GALNTL6: variants seen among roughly 807,000 people sequenced by gnomAD.
GALNTL6 encodes polypeptide N-acetylgalactosaminyltransferase like 6, also known as polypeptide N-acetylgalactosaminyltransferase-like 6.
Under a neutral mutation model 73.7 loss-of-function variants are expected in GALNTL6, and 46 were observed. The observed-to-expected ratio is 0.62, with a 90% CI of 0.49 to 0.80. GALNTL6 has a LOEUF of 0.80. GALNTL6 is among the 30% of genes least tolerant of loss of function. The pLI is 0.00. For missense variants in GALNTL6, 604 were observed against 755.0 expected (o/e 0.80, Z 2.34); for synonymous variants, 259 against 263.7 (o/e 0.98, Z 0.17).
At chr4:172,591,692 G>A (rs1737641909) in intron 5 of GALNTL6, among the ~76,000 whole-genome samples, 1 of 152,088 alleles carries the variant, frequency 6.6e-6, no homozygotes, top group Admixed American at 6.6e-5. Context: ...TTGGCTTATG[G>A]GAACTGATGC....
At chr4:171,870,826 T>G (rs1237022481) in intron 2 of GALNTL6, among the ~76,000 whole-genome samples, 2 of 152,138 alleles carry the variant, frequency 1.3e-5, no homozygotes, top group African/African-American at 4.8e-5. Flanking sequence ...TTCTAGAGCC[T>G]AGGAGGGAGG....
chr4:172,203,915 T>G (rs1385995730), intron 2 of GALNTL6, among the ~76,000 whole-genome samples: 1 of 152,054 alleles, frequency 6.6e-6, no homozygotes, highest in East Asian at 1.9e-4. Context: ...CCTGGCTAAT[T>G]TTGTATTTTT....
At chr4:172,573,934 C>G (rs1736862870) in intron 5 of GALNTL6, among the ~76,000 whole-genome samples, 1 of 152,052 alleles carries the variant, frequency 6.6e-6, no homozygotes. Context: ...GTTTAAGTGA[C>G]CAGAGTAATA....
At chr4:172,876,921 T>C (rs1745224698) in intron 7 of GALNTL6, among the ~76,000 whole-genome samples, 1 of 152,222 alleles carries the variant, frequency 6.6e-6, no homozygotes, top group Non-Finnish European at 1.5e-5. Context: ...TCTGGTTATA[T>C]AATTGAAAAT....
intron 5 of GALNTL6, among the ~76,000 whole-genome samples, chr4:172,372,599 C>T (rs1449066328): frequency 3.3e-5 from 5 of 152,142 alleles, no homozygotes; most frequent in Non-Finnish European, 5.9e-5. Flanking sequence ...AGTATGGACT[C>T]CAAGAGCTAT....
chr4:171,834,457 G>A (rs989346678), intron 2 of GALNTL6, among the ~76,000 whole-genome samples: 2 of 151,932 alleles, frequency 1.3e-5, no homozygotes, highest in Admixed American at 1.3e-4. Flanking sequence ...ACTGGAACTT[G>A]AGATTGATTG....
At chr4:172,193,058 T>C (rs1484032039) in intron 2 of GALNTL6, among the ~76,000 whole-genome samples, 1 of 152,234 alleles carries the variant, frequency 6.6e-6, no homozygotes, top group Non-Finnish European at 1.5e-5. Context: ...AGTGGCAGTC[T>C]CTGCAGTTCA....
chr4:172,429,403 C>T (rs1176285396), intron 5 of GALNTL6, among the ~76,000 whole-genome samples: 1 of 151,568 alleles, frequency 6.6e-6, no homozygotes, highest in Admixed American at 6.6e-5. Context: ...GTAGAGACAG[C>T]ATTTCACTAT....
chr4:172,952,619 G>A (rs557794897), intron 10 of GALNTL6, among the ~76,000 whole-genome samples: 1 of 151,878 alleles, frequency 6.6e-6, no homozygotes, highest in East Asian at 1.9e-4. Flanking sequence ...AGGTTCAAAC[G>A]ATTCTCCTAC....
intron 3 of GALNTL6, among the ~76,000 whole-genome samples, chr4:172,265,999 T>G (rs1426961271): frequency 6.6e-6 from 1 of 152,152 alleles, no homozygotes; most frequent in Admixed American, 6.6e-5. Flanking sequence ...CTACACTTTA[T>G]GATCATTTTC....
intron 10 of GALNTL6, among the ~76,000 whole-genome samples, chr4:172,954,807 C>A (rs139834867): frequency 2.6e-5 from 4 of 152,122 alleles, no homozygotes; most frequent in East Asian, 1.9e-4. Flanking sequence ...TGGCAAATTT[C>A]TTTCCCCAAA....
At chr4:172,984,463 G>A (rs1477022358) in intron 10 of GALNTL6, among the ~76,000 whole-genome samples, 1 of 152,204 alleles carries the variant, frequency 6.6e-6, no homozygotes, top group Non-Finnish European at 1.5e-5. Context: ...GACATGTGGG[G>A]ATTATTACAA....
chr4:172,560,562 A>AATATTAAACTCACAT (rs1311490233), intron 5 of GALNTL6, among the ~76,000 whole-genome samples: 2 of 152,276 alleles, frequency 1.3e-5, no homozygotes, highest in East Asian at 3.9e-4. Flanking sequence ...AGAGCACATC[A>AATATTAAACTCACAT]GTATTAAACT....
At chr4:172,121,032 GA>G (rs1189205975) in intron 2 of GALNTL6, among the ~76,000 whole-genome samples, 1 of 151,958 alleles carries the variant, frequency 6.6e-6, no homozygotes, top group Non-Finnish European at 1.5e-5. Flanking sequence ...CTCTCTAAAA[GA>G]AAATGGTATG....
In GALNTL6 at chr4:171,814,886, T is replaced by G. The variant is rs1734482200; in HGVS notation, c.138+168T>G. 9.5e-6 allele frequency: 6 copies of G among 633,756 alleles called. No individual in the cohort carries two copies. In the South Asian group the frequency reaches 9.8e-5, roughly 10 times the overall value. The allele number at this position is 633,756 out of a possible 1,614,324, so 39.3% of individuals were successfully genotyped here. ...TTGGGGTTTAAGCAAGTAGATGTTT[T>G]AAGATTGCAGCCAGTAACATCGTGA... On this transcript the variant is annotated intron_variant, in intron 2 of 12. Transcript: ENST00000506823.
chr4:172,538,559 G>A (rs1052330578), intron 5 of GALNTL6, among the ~76,000 whole-genome samples: 13 of 152,056 alleles, frequency 8.5e-5, no homozygotes, highest in Non-Finnish European at 1.0e-4. Context: ...ATGAATGCTG[G>A]GTGGGAGAAA....
chr4:172,963,719 A>T (rs2610214), intron 10 of GALNTL6, among the ~76,000 whole-genome samples: 63,068 of 152,080 alleles, frequency 0.41, 13,368 homozygotes, highest in East Asian at 0.48. Flanking sequence ...ACTTCTTTGG[A>T]AAGCTCGGCC....
At chr4:172,583,573 T>C (rs114704037) in intron 5 of GALNTL6, among the ~76,000 whole-genome samples, 4,669 of 152,232 alleles carry the variant, frequency 0.031, 108 homozygotes, top group South Asian at 0.09. Flanking sequence ...TTTTAACCAC[T>C]GCTAACTCCT....
rs181759783 is a variant in GALNTL6 at position 172,447,121 on chromosome 4, A to C, written c.553+98432A>C. ...GACAGCAAAATGCCAAATGTGCTGT[A>C]AATAGCATTATAAAAATGAAGCTGT... is the stretch of plus-strand genomic sequence containing the variant. On this transcript the variant is annotated intron_variant, in intron 5 of 12. Coordinates refer to ENST00000506823, the MANE Select transcript of GALNTL6 (RefSeq NM_001034845.3). 3.2e-3 allele frequency among the ~76,000 whole-genome samples: 481 copies of C among 152,282 alleles called. 6 individuals are homozygous for C. The highest frequency in any genetic ancestry group is 0.03 in the Admixed American group (454 of 15,288).
Sources: gnomAD v4.1 joint callset for allele counts (sites outside exome capture counted in the v4.1 genomes callset) on GRCh38, gnomAD v4.1.1 for gene constraint, MANE v1.5 for transcripts, NCBI Gene and HGNC (gene_info 2026-07-23, HGNC 2026-07-21) for gene names.